The following SPMIP3 variants were observed in gnomAD, a reference collection of about 807,000 sequenced individuals.
SPMIP3 encodes the protein sperm microtubule inner protein 3.
At chr1:244,356,105 T>C in the SPMIP3 span, among the ~76,000 whole-genome samples, 1 of 152,256 alleles carries the variant, frequency 6.6e-6, no homozygotes, top group Non-Finnish European at 1.5e-5. Context: ...TAAGGACATC[T>C]GTACACCTTT....
the SPMIP3 span, among the ~76,000 whole-genome samples, chr1:244,387,925 C>CTT: frequency 6.9e-6 from 1 of 144,018 alleles, no homozygotes; most frequent in African/African-American, 2.5e-5. Context: ...TTGCTTTTCT[C>CTT]TTTTTTTTTT....
chr1:244,378,733 G>T, the SPMIP3 span: 2 of 1,361,880 alleles, frequency 1.5e-6, no homozygotes, highest in African/African-American at 2.9e-5. Context: ...CAGGGAGCCT[G>T]TTTGGGACCA....
chr1:244,376,969 C>T, the SPMIP3 span, among the ~76,000 whole-genome samples: 2 of 151,838 alleles, frequency 1.3e-5, no homozygotes, highest in African/African-American at 2.4e-5. Context: ...CCATCACGCT[C>T]GGCTAATTTT....
the SPMIP3 span, among the ~76,000 whole-genome samples, chr1:244,384,916 G>T: frequency 9.2e-5 from 14 of 152,064 alleles, no homozygotes; most frequent in Admixed American, 9.2e-4. Context: ...TTGTTTGTTT[G>T]TTTGAGATGG....
the SPMIP3 span, chr1:244,389,050 A>G: frequency 4.3e-6 from 7 of 1,612,906 alleles, no homozygotes; most frequent in African/African-American, 6.7e-5. Context: ...TTTGAAAGAA[A>G]TGCTTTTAAA....
At chr1:244,362,604 A>C in the SPMIP3 span, among the ~76,000 whole-genome samples, 1 of 152,106 alleles carries the variant, frequency 6.6e-6, no homozygotes, top group African/African-American at 2.4e-5. Flanking sequence ...AACCCTCCAG[A>C]GAGCTATTGT....
At chr1:244,375,444 T>C in the SPMIP3 span, 2 of 1,613,894 alleles carry the variant, frequency 1.2e-6, no homozygotes, top group East Asian at 2.2e-5. Flanking sequence ...TCCATTTTGA[T>C]CATAGTGCAA....
chr1:244,361,832 G>A, the SPMIP3 span, among the ~76,000 whole-genome samples: 6 of 152,196 alleles, frequency 3.9e-5, no homozygotes, highest in East Asian at 1.9e-4. Flanking sequence ...GATAGTGGGG[G>A]CTGTCTTTGT....
At chr1:244,380,045 G>A in the SPMIP3 span, among the ~76,000 whole-genome samples, 1 of 151,542 alleles carries the variant, frequency 6.6e-6, no homozygotes, top group Non-Finnish European at 1.5e-5. Context: ...ACCAATTAAA[G>A]CATTGCTTGT....
At chr1:244,388,218 C>T in the SPMIP3 span, among the ~76,000 whole-genome samples, 1 of 152,078 alleles carries the variant, frequency 6.6e-6, no homozygotes, top group African/African-American at 2.4e-5. Context: ...CTTGAGCCAC[C>T]ACGCCTGGCC....
chr1:244,378,544 G>A, the SPMIP3 span: 9 of 1,613,570 alleles, frequency 5.6e-6, no homozygotes, highest in South Asian at 2.2e-5. Flanking sequence ...ACACTCATTC[G>A]ATATATTTGT....
the SPMIP3 span, among the ~76,000 whole-genome samples, chr1:244,387,833 G>A: frequency 6.6e-6 from 1 of 152,028 alleles, no homozygotes; most frequent in African/African-American, 2.4e-5. Flanking sequence ...GTTGGTGAGA[G>A]AGTGGTCAAG....
the SPMIP3 span, among the ~76,000 whole-genome samples, chr1:244,374,633 G>A: frequency 5.7e-4 from 57 of 100,172 alleles, no homozygotes; most frequent in Admixed American, 2.6e-3. Flanking sequence ...GTCTTGCACT[G>A]TTGCCCAGGC....
At chr1:244,381,481 T>C in the SPMIP3 span, among the ~76,000 whole-genome samples, 1 of 152,194 alleles carries the variant, frequency 6.6e-6, no homozygotes, top group Admixed American at 6.5e-5. Context: ...TGGAGCTAAA[T>C]AAATTTTAGC....
At chr1:244,378,387 G>C in the SPMIP3 span, 8 of 1,413,906 alleles carry the variant, frequency 5.7e-6, no homozygotes, top group Admixed American at 4.0e-5. Flanking sequence ...GCCGTTTCCA[G>C]GGAATGGATT....
At chr1:244,384,532 T>C in the SPMIP3 span, among the ~76,000 whole-genome samples, 1 of 152,134 alleles carries the variant, frequency 6.6e-6, no homozygotes, top group African/African-American at 2.4e-5. Flanking sequence ...TTTGGTTACA[T>C]TGCTTGGAGT....
chr1:244,385,702 G>A, the SPMIP3 span, among the ~76,000 whole-genome samples: 1 of 151,270 alleles, frequency 6.6e-6, no homozygotes, highest in Non-Finnish European at 1.5e-5. Context: ...CTATTACTAT[G>A]CCTTCAAAAA....
chr1:244,368,246 A>G, the SPMIP3 span, among the ~76,000 whole-genome samples: 1 of 152,226 alleles, frequency 6.6e-6, no homozygotes, highest in African/African-American at 2.4e-5. Flanking sequence ...GGCTTGAGCC[A>G]CTGCACCTGG....
the SPMIP3 span, among the ~76,000 whole-genome samples, chr1:244,371,039 G>A: frequency 6.6e-6 from 1 of 152,180 alleles, no homozygotes; most frequent in African/African-American, 2.4e-5. Context: ...CTGGGGCTGT[G>A]GGGCCAGGCT....
Sources: allele counts gnomAD v4.1 joint callset (sites outside exome capture counted in the v4.1 genomes callset), GRCh38; gene constraint gnomAD v4.1.1; transcripts MANE v1.5; gene names NCBI Gene and HGNC (gene_info 2026-07-23, HGNC 2026-07-21).